FBXO9: variants seen among roughly 807,000 people sequenced by gnomAD.
FBXO9 encodes F-box protein 9, also known as F-box only protein 9.
A neutral mutation model predicts 63.7 loss-of-function variants in FBXO9; 43 were observed. That is an observed-to-expected ratio of 0.67 (90% CI 0.53 to 0.87). The LOEUF (loss-of-function observed/expected upper bound fraction) is 0.87, where lower values mean the gene tolerates loss of function less well. Ranked by LOEUF, FBXO9 falls within the 40% of genes least tolerant of loss-of-function variation. FBXO9 has a pLI of 0.00. For missense variants in FBXO9, 442 were observed against 533.2 expected, an observed-to-expected ratio of 0.83 and a Z score of 1.68; for synonymous variants, 156 against 171.7, an observed-to-expected ratio of 0.91 and a Z score of 0.72.
In FBXO9 at chr6:53,098,319, T is replaced by G. The variant is rs888999255; in HGVS notation, c.*489T>G. On this transcript the variant is annotated 3_prime_UTR_variant, in exon 13 of 13. Transcript: ENST00000323557. ...AAAGTGTGAGAACCTGTTCTGGATT[T>G]GTTTGAAATTATTTCACCAATAAAG... 2.4e-5 allele frequency: 4 copies of G among 167,732 alleles called. No individual in the cohort carries two copies. Among genetic ancestry groups the G allele is most frequent in the Non-Finnish European group, 5.3e-5 (4 of 75,092 alleles). The allele number at this position is 167,732 out of a possible 1,614,324, so 10.4% of individuals were successfully genotyped here.
At chr6:53,090,201 A>T (rs949567673) in intron 7 of FBXO9, among the ~76,000 whole-genome samples, 11 of 152,302 alleles carry the variant, frequency 7.2e-5, no homozygotes, top group Middle Eastern at 3.4e-3. Context: ...ATAAGGTTTA[A>T]TGGCCTTTGT....
In FBXO9 at chr6:53,065,605, G is replaced by T; in HGVS notation, c.-185G>T. On this transcript the variant is annotated 5_prime_UTR_variant, in exon 1 of 13. Transcript: ENST00000323557. ...TCTGGCCCCCTGCCCCGCGAAGATG[G>T]CTGCCGTACGCCGGGCCCGCAGTTA... 1 of 664,726 alleles carries T rather than the reference G, an allele frequency of 1.5e-6. No individual in the cohort carries two copies. Among genetic ancestry groups the T allele is most frequent in the Non-Finnish European group, 2.2e-6 (1 of 460,178 alleles). The allele number at this position is 664,726 out of a possible 1,614,324, so 41.2% of individuals were successfully genotyped here. A position where few individuals can be genotyped will look rare whatever the true frequency, so the allele number is the denominator to read the frequency against.
intron 4 of FBXO9, among the ~76,000 whole-genome samples, chr6:53,077,472 CAAAAAAAAAAAAA>C (rs1173539613): frequency 2.6e-4 from 18 of 70,466 alleles, no homozygotes; most frequent in South Asian, 7.4e-4. Context: ...GACTCCGTCT[CAAAAAAAAAAAAA>C]AAAAAAAAAA....
At chr6:53,086,929 C>T (rs982417266) in intron 7 of FBXO9, among the ~76,000 whole-genome samples, 1 of 151,958 alleles carries the variant, frequency 6.6e-6, no homozygotes, top group Non-Finnish European at 1.5e-5. Flanking sequence ...TGGTGGTGCA[C>T]GCCTAGCTAC....
chr6:53,086,876 T>C (rs951267901), intron 7 of FBXO9, among the ~76,000 whole-genome samples: 7 of 152,234 alleles, frequency 4.6e-5, no homozygotes, highest in African/African-American at 1.4e-4. Context: ...AAGACCAGCC[T>C]GGACAACATC....
At chr6:53,077,390 G>A (rs1240967130) in intron 4 of FBXO9, among the ~76,000 whole-genome samples, 2 of 147,392 alleles carry the variant, frequency 1.4e-5, no homozygotes, top group Non-Finnish European at 3.0e-5. Flanking sequence ...GGAGAATGGC[G>A]TGAACCCGGG....
At chr6:53,065,965 G>A (rs890123941) in intron 1 of FBXO9, 173 bp downstream of exon 1, 5 of 1,162,232 alleles carry the variant, frequency 4.3e-6, no homozygotes, top group Admixed American at 8.5e-5. Flanking sequence ...GGGGCGGGGG[G>A]TGCCAACCCT....
intron 6 of FBXO9, 42 bp from the exon 7 acceptor site, chr6:53,082,462 T>A (rs774579705): frequency 1.5e-6 from 2 of 1,309,526 alleles, no homozygotes; most frequent in Admixed American, 3.6e-5. Flanking sequence ...GACAATAGAA[T>A]GACATAGAGG....
chr6:53,095,467 A>G, intron 11 of FBXO9, 46 bp from the exon 12 acceptor site: 1 of 1,522,874 alleles, frequency 6.6e-7, no homozygotes, highest in Non-Finnish European at 8.9e-7. Flanking sequence ...TAAACATAGA[A>G]GTGAGGTAAG....
chr6:53,076,674 T>C (rs1769122560), intron 4 of FBXO9, 131 bp downstream of exon 4: 1 of 610,250 alleles, frequency 1.6e-6, no homozygotes, highest in African/African-American at 1.9e-5. Flanking sequence ...CCTTCAGTAC[T>C]CATTGGAAAT....
intron 1 of FBXO9, among the ~76,000 whole-genome samples, chr6:53,066,688 G>C (rs141033398): frequency 3.3e-5 from 5 of 152,324 alleles, no homozygotes; most frequent in African/African-American, 1.2e-4. Context: ...TTCTCTGACC[G>C]GGATTAAGTA....
Position 53,100,086 on chromosome 6 carries a change from A to G in FBXO9, c.*2256A>G, listed in dbSNP as rs1486888077. ...ATTTAACTTAGAACTGGAAAAAGTA[A>G]CTTTTTTCCAGATTACATTTTCTGT... On this transcript the variant is annotated 3_prime_UTR_variant, in exon 13 of 13. Transcript: ENST00000323557. 1 of 152,216 alleles carries G rather than the reference A, an allele frequency of 6.6e-6. No homozygotes were observed. Among genetic ancestry groups the G allele is most frequent in the Non-Finnish European group, 1.5e-5 (1 of 68,040 alleles). 9.4% of individuals were successfully genotyped at this position (152,216 alleles called of 1,614,324 possible).
At chr6:53,092,940 A>G (rs901004613) in intron 9 of FBXO9, 116 bp downstream of exon 9, 6 of 578,612 alleles carry the variant, frequency 1.0e-5, no homozygotes, top group African/African-American at 9.6e-5. Context: ...CAGTATTTTT[A>G]TCTAGTACTC....
Position 53,092,833 on chromosome 6 carries a change from G to T in FBXO9, c.863+9G>T. ...CAAGTGGAATATTACAGGTACAACT[G>T]TAGTACACTGAGTGAGTGGAAAATT... On this transcript the variant is annotated intron_variant, in intron 9 of 12. Transcript: ENST00000323557. The T allele has an allele frequency of 6.4e-7, 1 of 1,560,484 alleles. No homozygotes were observed. The highest frequency in any genetic ancestry group is 8.8e-7 in the Non-Finnish European group (1 of 1,138,952).
intron 1 of FBXO9, among the ~76,000 whole-genome samples, chr6:53,069,598 G>A (rs1448987694): frequency 1.3e-5 from 2 of 151,946 alleles, no homozygotes; most frequent in Non-Finnish European, 2.9e-5. Flanking sequence ...GGAAATAAGA[G>A]TAAGAGGTCA....
At chr6:53,072,577 T>C (rs1458682242) in intron 2 of FBXO9, among the ~76,000 whole-genome samples, 1 of 152,208 alleles carries the variant, frequency 6.6e-6, no homozygotes, top group East Asian at 1.9e-4. Context: ...GTGATTTTGC[T>C]GAGGCAATAC....
At chr6:53,070,840 G>A in intron 1 of FBXO9, 1 of 596,754 alleles carries the variant, frequency 1.7e-6, no homozygotes, top group East Asian at 2.9e-5. Context: ...CGTGAGTACT[G>A]TGGGTTGGAG....
Position 53,066,021 on chromosome 6 carries a change from C to T in FBXO9, c.3+229C>T, listed in dbSNP as rs1187204174. 2.5e-6 allele frequency: 3 copies of T among 1,219,992 alleles called. No homozygotes were observed. In the African/African-American group the frequency reaches 4.7e-5, roughly 19 times the overall value. 75.6% of individuals were successfully genotyped at this position (1,219,992 alleles called of 1,614,324 possible). Reference sequence around the variant, plus strand: ...TCCTGCTGAGCCTCCCCAACCCCCGCCGAGCTCGATGTGAGGAGGAGGGTT... The same window carrying T: ...TCCTGCTGAGCCTCCCCAACCCCCGTCGAGCTCGATGTGAGGAGGAGGGTT... On this transcript the variant is annotated intron_variant, in intron 1 of 12. Transcript: ENST00000323557.
At chr6:53,070,017 CTTTTTT>C (rs1032693222) in intron 1 of FBXO9, among the ~76,000 whole-genome samples, 4 of 109,374 alleles carry the variant, frequency 3.7e-5, no homozygotes, top group African/African-American at 1.0e-4. Flanking sequence ...TTCTTTTTTC[CTTTTTT>C]TTTTTTTTTT....
Sources: gnomAD v4.1 joint callset for allele counts (sites outside exome capture counted in the v4.1 genomes callset) on GRCh38, gnomAD v4.1.1 for gene constraint, MANE v1.5 for transcripts, NCBI Gene and HGNC (gene_info 2026-07-23, HGNC 2026-07-21) for gene names.